The following TRIM29 variants were observed in gnomAD, a reference collection of about 807,000 sequenced individuals.
TRIM29 encodes tripartite motif-containing protein 29.
Under a neutral mutation model 57.3 loss-of-function variants are expected in TRIM29, and 52 were observed. That is an observed-to-expected ratio of 0.91 (90% CI 0.73 to 1.14). The LOEUF is 1.14. Ranked by LOEUF, TRIM29 falls within the 50% of genes most tolerant of loss-of-function variation. The probability of loss-of-function intolerance (pLI) is 0.00; values close to 1 mark genes in which losing one functional copy is unlikely to be tolerated. For missense variants in TRIM29, 753 were observed against 774.6 expected, an observed-to-expected ratio of 0.97 and a Z score of 0.33; for synonymous variants, 319 against 316.9, an observed-to-expected ratio of 1.01 and a Z score of -0.07.
At chr11:120,113,546 AC>A (rs1458675913) in intron 8 of TRIM29, 1 of 451,124 alleles carries the variant, frequency 2.2e-6, no homozygotes, top group Non-Finnish European at 4.4e-6. Context: ...CCTCAAGGGT[AC>A]ACTGCCTTTG....
At chr11:120,117,881 A>C (rs539603418) in intron 7 of TRIM29, 1 of 300,750 alleles carries the variant, frequency 3.3e-6, no homozygotes, top group South Asian at 3.6e-5. Flanking sequence ...GAGTTAAATA[A>C]ACTCTGCAGT....
Position 120,112,429 on chromosome 11 carries a change from G to A in TRIM29, c.1752C>T (p.Ser584=), listed in dbSNP as rs1863156478. Residue 584 remains serine, a synonymous_variant, in exon 9 of 9, where the codon TCC becomes TCT. Coordinates refer to ENST00000341846, the MANE Select transcript of TRIM29 (RefSeq NM_012101.4). ...FYVNKGNGIG[S]NEAP ...CGCCAGGAGCTCATGGGGCTTCGTT[G>A]GACCCAATCCCGTTGCCTTTGTTGA... The A allele has an allele frequency of 6.8e-6, 11 of 1,613,538 alleles. No homozygotes were observed. The highest frequency in any genetic ancestry group is 9.3e-6 in the Non-Finnish European group (11 of 1,179,758).
intron 4 of TRIM29, chr11:120,123,734 T>C: frequency 5.9e-6 from 2 of 338,012 alleles, no homozygotes; most frequent in Admixed American, 4.1e-5. Flanking sequence ...TTCCCTGTCC[T>C]TCCCTCTCTC....
chr11:120,115,301 G>A, intron 8 of TRIM29, 37 bp downstream of exon 8: 1 of 1,600,788 alleles, frequency 6.2e-7, no homozygotes, highest in South Asian at 1.1e-5. Context: ...CCAGGTCTCT[G>A]GATGTGCCCA....
Position 120,137,573 on chromosome 11 carries a change from G to T in TRIM29, c.459C>A (p.Tyr153Ter). ...AAAAAAGGCCCGTGTCGGCCCGGGG[G>T]TAGCTGTTCCGCCGGGTCTCCCCGG... is the stretch of plus-strand genomic sequence containing the variant. The part of the protein sequence containing the change: ...MEPGETRRNS[Y>*]PRADTGLFSR... Residue 153 changes from tyrosine to a stop codon, truncating the protein, a stop_gained, in exon 1 of 9, where the codon TAC (tyrosine) becomes TAA (stop). Coordinates refer to ENST00000341846, the MANE Select transcript of TRIM29 (RefSeq NM_012101.4). LOFTEE classifies it high-confidence loss of function. The surrounding 1 kb of genome is among the most constrained non-coding windows in gnomAD (Gnocchi z 6.2). 4 of 1,612,484 alleles carry T rather than the reference G, an allele frequency of 2.5e-6. No individual in the cohort carries two copies. Among genetic ancestry groups the T allele is most frequent in the South Asian group, 1.1e-5 (1 of 91,070 alleles).
In TRIM29 at chr11:120,122,546, A is replaced by G. The variant is rs568068754; in HGVS notation, c.1435+408T>C. On this transcript the variant is annotated intron_variant, in intron 5 of 8. Coordinates refer to ENST00000341846, the MANE Select transcript of TRIM29 (RefSeq NM_012101.4). Reference sequence around the variant, plus strand: ...CAGAATGGTCCTGGGGTCGGCAGCCATCTCACAGGGCTCAGCCCCTACAAA... The same window carrying G: ...CAGAATGGTCCTGGGGTCGGCAGCCGTCTCACAGGGCTCAGCCCCTACAAA... Among the ~76,000 whole-genome samples the G allele has an allele frequency of 1.2e-3, 177 of 152,302 alleles. 1 individual carries two copies. The highest frequency in any genetic ancestry group is 4.1e-3 in the African/African-American group (171 of 41,560).
chr11:120,136,924 A>C (rs1431426997), intron 1 of TRIM29, among the ~76,000 whole-genome samples: 1 of 152,178 alleles, frequency 6.6e-6, no homozygotes, highest in African/African-American at 2.4e-5. Flanking sequence ...CATACTCTCT[A>C]ACCTGACTCG....
At chr11:120,118,152 A>G in intron 7 of TRIM29, 71 bp downstream of exon 7, 1 of 1,367,882 alleles carries the variant, frequency 7.3e-7, no homozygotes, top group East Asian at 2.4e-5. Flanking sequence ...CTCAGCGAAG[A>G]GACCCAAGCA....
chr11:120,137,687 C>T lies in TRIM29; in HGVS notation c.345G>A (p.Lys115=). 1 of 1,613,576 alleles carries T rather than the reference C, an allele frequency of 6.2e-7. No homozygotes were observed. Among genetic ancestry groups the T allele is most frequent in the African/African-American group, 1.3e-5 (1 of 75,024 alleles). Residue 115 remains lysine, a synonymous_variant, in exon 1 of 9, where the codon AAG becomes AAA. Transcript: ENST00000341846. The surrounding 1 kb of genome is among the most constrained non-coding windows in gnomAD (Gnocchi z 6.2). Reference sequence around the variant, plus strand: ...TTTCGGCAAAGGTAACGGGTGGCTTCTTGGCAGCCCCCAGCTGGAGCCCTG... The same window carrying T: ...TTTCGGCAAAGGTAACGGGTGGCTTTTTGGCAGCCCCCAGCTGGAGCCCTG... ...PYAGLQLGAA[K]KPPVTFAEKG...
chr11:120,134,636 ATG>A (rs1863783278), intron 1 of TRIM29, among the ~76,000 whole-genome samples: 1 of 152,130 alleles, frequency 6.6e-6, no homozygotes, highest in Non-Finnish European at 1.5e-5. Context: ...GCAGGTGCAC[ATG>A]TGTGTGCACA....
At chr11:120,123,700 C>T (rs540696587) in intron 4 of TRIM29, 1 of 343,610 alleles carries the variant, frequency 2.9e-6, no homozygotes. Flanking sequence ...ATTCCTTTCT[C>T]TTTCGACTTC....
chr11:120,131,516 G>A (rs1163675863), intron 1 of TRIM29, among the ~76,000 whole-genome samples: 1 of 152,024 alleles, frequency 6.6e-6, no homozygotes, highest in East Asian at 1.9e-4. Flanking sequence ...TCAGGGTGGA[G>A]GAGAGACTTG....
At chr11:120,118,190 G>A (rs1344371313) in intron 7 of TRIM29, 33 bp downstream of exon 7, 3 of 1,590,696 alleles carry the variant, frequency 1.9e-6, no homozygotes, top group Non-Finnish European at 2.6e-6. Flanking sequence ...GGCAGCTGTG[G>A]AGGAAAGCAG....
intron 1 of TRIM29, among the ~76,000 whole-genome samples, chr11:120,130,445 G>C (rs902576791): frequency 1.3e-5 from 2 of 152,212 alleles, no homozygotes; most frequent in Non-Finnish European, 2.9e-5. Flanking sequence ...AGGGCCCAGC[G>C]CTGGTAAAAG....
At chr11:120,128,142 C>G (rs1429929964) in intron 2 of TRIM29, among the ~76,000 whole-genome samples, 1 of 152,132 alleles carries the variant, frequency 6.6e-6, no homozygotes, top group African/African-American at 2.4e-5. Context: ...GGAAGACACA[C>G]TGGAGGAAAG....
chr11:120,127,379 C>A lies in TRIM29; in HGVS notation c.1091G>T (p.Arg364Leu), dbSNP rs760970477. Residue 364 changes from arginine to leucine, a missense_variant, in exon 3 of 9, where the codon CGG becomes CTG. Coordinates refer to ENST00000341846, the MANE Select transcript of TRIM29 (RefSeq NM_012101.4). ...AKVLHEDKQT[R>L]EQLHSISDSV... Reference sequence around the variant, plus strand: ...GTCGCTGATGCTATGCAGCTGCTCCCGGGTCTGCTTGTCCTCATGCAGCAC... The same window carrying A: ...GTCGCTGATGCTATGCAGCTGCTCCAGGGTCTGCTTGTCCTCATGCAGCAC... 12 of 1,614,096 alleles carry A rather than the reference C, an allele frequency of 7.4e-6. No homozygotes were observed. Among genetic ancestry groups the A allele is most frequent in the Middle Eastern group, 1.6e-4 (1 of 6,062 alleles).
chr11:120,112,370 G>A lies in TRIM29; in HGVS notation c.*44C>T, dbSNP rs1863154223. ...TAGAAGGCAAGAGCAGCAGGGTCAG[G>A]AGGAAGAGCAGGGGTGTGGCGCCTC... On this transcript the variant is annotated 3_prime_UTR_variant, in exon 9 of 9. Transcript: ENST00000341846. The A allele has an allele frequency of 6.2e-7, 1 of 1,609,512 alleles. No homozygotes were observed. The highest frequency in any genetic ancestry group is 8.5e-7 in the Non-Finnish European group (1 of 1,176,212).
rs1174509669 is a variant in TRIM29, at chr11:120,138,104, G to A, written c.-73C>T. The A allele has an allele frequency of 1.2e-5, 17 of 1,451,710 alleles. No homozygotes were observed. Among genetic ancestry groups the A allele is most frequent in the Non-Finnish European group, 1.5e-5 (17 of 1,099,368 alleles). 89.9% of individuals were successfully genotyped at this position (1,451,710 alleles called of 1,614,324 possible). A position where few individuals can be genotyped will look rare whatever the true frequency, so the allele number is the denominator to read the frequency against. Reference sequence around the variant, plus strand: ...AGGTGACCTTTCTGGCAGGCGTCTCGGCAGGGAGTGGGGCAGGCAACCACG... The same window carrying A: ...AGGTGACCTTTCTGGCAGGCGTCTCAGCAGGGAGTGGGGCAGGCAACCACG... On this transcript the variant is annotated 5_prime_UTR_variant, in exon 1 of 9. Coordinates refer to ENST00000341846, the MANE Select transcript of TRIM29 (RefSeq NM_012101.4).
At chr11:120,136,217 C>T (rs1863810912) in intron 1 of TRIM29, among the ~76,000 whole-genome samples, 2 of 152,110 alleles carry the variant, frequency 1.3e-5, no homozygotes, top group African/African-American at 4.8e-5. Context: ...ACCAATAAAC[C>T]CATTGTAAGT....
Sources: allele counts gnomAD v4.1 joint callset (sites outside exome capture counted in the v4.1 genomes callset), GRCh38; gene constraint gnomAD v4.1.1; non-coding constraint Gnocchi (gnomAD v3.1); transcripts MANE v1.5; gene names NCBI Gene and HGNC (gene_info 2026-07-23, HGNC 2026-07-21).